Variants in KATNIP observed in about 807,000 individuals in gnomAD.
KATNIP encodes the protein katanin interacting protein.
A neutral mutation model predicts 174.0 loss-of-function variants in KATNIP; 126 were observed. The ratio of observed to expected loss-of-function variants is 0.72; its 90% confidence interval spans 0.63 to 0.84. The LOEUF is 0.84. Ranked by LOEUF, KATNIP falls within the 40% of genes least tolerant of loss-of-function variation. The pLI is 0.00. For synonymous variants in KATNIP, 810 were observed against 835.7 expected, an observed-to-expected ratio of 0.97 and a Z score of 0.53; for missense variants, 1,958 against 2,109.7, an observed-to-expected ratio of 0.93 and a Z score of 1.41.
intron 1 of KATNIP, among the ~76,000 whole-genome samples, chr16:27,557,832 T>C (rs1485411646): frequency 6.6e-6 from 1 of 152,248 alleles, no homozygotes; most frequent in Non-Finnish European, 1.5e-5. Context: ...TTGAATTAGT[T>C]GTCAACATTG....
At position 27,651,709 on chromosome 16, in the gene KATNIP, C is replaced by T. The variant is rs994073706; in HGVS notation, c.540+2974C>T. Among the ~76,000 whole-genome samples the T allele has an allele frequency of 9.2e-5, 14 of 152,232 alleles. No homozygotes were observed. In the East Asian group the frequency reaches 2.5e-3, roughly 27 times the overall value. On this transcript the variant is annotated intron_variant, in intron 6 of 27. Transcript: ENST00000261588. ...GCTTTTAAAAGATGTGAATTACTAG[C>T]TGACATTTTTATTTATTTATTTATT...
At position 27,780,225 on chromosome 16, in the gene KATNIP, C is replaced by G. The variant is rs1393271842; in HGVS notation, c.*1596C>G. On this transcript the variant is annotated 3_prime_UTR_variant, in exon 28 of 28. Transcript: ENST00000261588. ...ATGGCACTAACACGACACAAGCTCACTCCCAGAACCGCAGCTGATGTTTAT... is the reference window on the plus strand; with the variant it reads ...ATGGCACTAACACGACACAAGCTCAGTCCCAGAACCGCAGCTGATGTTTAT... 1 of 152,168 alleles carries G rather than the reference C, an allele frequency of 6.6e-6. No homozygotes were observed. Among genetic ancestry groups the G allele is most frequent in the Non-Finnish European group, 1.5e-5 (1 of 68,048 alleles). The allele number at this position is 152,168 out of a possible 1,614,324, so 9.4% of individuals were successfully genotyped here.
intron 13 of KATNIP, among the ~76,000 whole-genome samples, chr16:27,715,998 A>C (rs996622165): frequency 3.3e-5 from 5 of 152,084 alleles, no homozygotes; most frequent in Admixed American, 3.3e-4. Context: ...AAACTTGTAC[A>C]TGCATGTTCA....
At position 27,551,801 on chromosome 16, in the gene KATNIP, C is replaced by T. The variant is rs372240882; in HGVS notation, c.7+1624C>T. ...CTGAGGCAGGAGAATCATTTGAAGC[C>T]GAGATCTTGCCACTGCACTCCAGCC... On this transcript the variant is annotated intron_variant, in intron 1 of 27. Coordinates refer to ENST00000261588, the MANE Select transcript of KATNIP (RefSeq NM_015202.5). Among the ~76,000 whole-genome samples, 13 of 152,012 alleles carry T rather than the reference C, an allele frequency of 8.6e-5. No individual in the cohort carries two copies. The East Asian group carries it at 1.9e-3, about 23-fold the overall frequency.
At chr16:27,757,052 G>C (rs1009352369) in intron 18 of KATNIP, among the ~76,000 whole-genome samples, 1 of 152,200 alleles carries the variant, frequency 6.6e-6, no homozygotes, top group African/African-American at 2.4e-5. Context: ...CTTGAGTCAT[G>C]TACCCATTCT....
intron 1 of KATNIP, among the ~76,000 whole-genome samples, chr16:27,563,233 G>T (rs769424591): frequency 1.5e-4 from 23 of 152,164 alleles, no homozygotes; most frequent in Non-Finnish European, 2.2e-4. Flanking sequence ...GGAGAGGTGG[G>T]TGGTTTTAAG....
intron 19 of KATNIP, among the ~76,000 whole-genome samples, chr16:27,761,991 C>A (rs1347223778): frequency 6.6e-6 from 1 of 152,226 alleles, no homozygotes; most frequent in Non-Finnish European, 1.5e-5. Context: ...CCTCTCCCCT[C>A]CTTGAGGTTA....
Position 27,776,858 on chromosome 16 carries a change from G to C in KATNIP, c.4450-70G>C, listed in dbSNP as rs2082517203. ...CACCGCTCACCCCAGCCCACGCCTGGCACCCCCAGCCCAGCCAAGCGCCTC... is the reference window on the plus strand; with the variant it reads ...CACCGCTCACCCCAGCCCACGCCTGCCACCCCCAGCCCAGCCAAGCGCCTC... On this transcript the variant is annotated intron_variant, in intron 24 of 27. Coordinates refer to ENST00000261588, the MANE Select transcript of KATNIP (RefSeq NM_015202.5). This position sits in a 1 kb window ranked among gnomAD's most constrained non-coding sequence, Gnocchi z 4.7. The C allele has an allele frequency of 3.5e-6, 4 of 1,155,226 alleles. No individual in the cohort carries two copies. The highest frequency in any genetic ancestry group is 5.2e-6 in the Non-Finnish European group (4 of 767,750). 71.6% of individuals were successfully genotyped at this position (1,155,226 alleles called of 1,614,324 possible). A position where few individuals can be genotyped will look rare whatever the true frequency, so the allele number is the denominator to read the frequency against.
intron 12 of KATNIP, among the ~76,000 whole-genome samples, chr16:27,705,778 C>T (rs1355734150): frequency 2.0e-5 from 3 of 152,090 alleles, no homozygotes; most frequent in Non-Finnish European, 2.9e-5. Flanking sequence ...CTTGCTCACT[C>T]GATCCTCCCA....
intron 18 of KATNIP, 118 bp from the exon 19 acceptor site, chr16:27,761,295 G>A (rs2081946446): frequency 9.4e-7 from 1 of 1,065,156 alleles, no homozygotes. Context: ...AGGCACTTTG[G>A]GTCTGGGTTG....
chr16:27,694,737 A>C (rs570982394), intron 8 of KATNIP, among the ~76,000 whole-genome samples: 53 of 152,256 alleles, frequency 3.5e-4, no homozygotes, highest in Admixed American at 1.2e-3. Context: ...TAGAGGTTGC[A>C]GTGAGCCGAG....
Position 27,777,804 on chromosome 16 carries a change from C to A in KATNIP, c.4712+34C>A. ...CCAGCCGGCCCCATGGCCTCCCCAC[C>A]AGCCCTAAGGAGGATGGATGGCTGG... On this transcript the variant is annotated intron_variant, in intron 26 of 27. Coordinates refer to ENST00000261588, the MANE Select transcript of KATNIP (RefSeq NM_015202.5). This position sits in a 1 kb window ranked among gnomAD's most constrained non-coding sequence, Gnocchi z 4.4. 6.2e-7 allele frequency: 1 copy of A among 1,612,756 alleles called. No homozygotes were observed. The highest frequency in any genetic ancestry group is 8.5e-7 in the Non-Finnish European group (1 of 1,178,984).
At chr16:27,678,663 G>A (rs1401075811) in intron 7 of KATNIP, among the ~76,000 whole-genome samples, 1 of 152,172 alleles carries the variant, frequency 6.6e-6, no homozygotes, top group Non-Finnish European at 1.5e-5. Context: ...GGGGTCACAT[G>A]CTGTCTTGGA....
intron 8 of KATNIP, among the ~76,000 whole-genome samples, chr16:27,692,545 A>G (rs1438545241): frequency 6.6e-6 from 1 of 151,470 alleles, no homozygotes; most frequent in Non-Finnish European, 1.5e-5. Context: ...CCCCCATTCC[A>G]GCCCCCTTGC....
rs371102473 is a variant in KATNIP at position 27,681,513 on chromosome 16, A to C, written c.923A>C (p.Gln308Pro). The change falls in exon 8 of 28, where the codon CAG (glutamine) becomes CCG (proline). Residue 308 changes from glutamine (Q) to proline (P), a missense_variant. Coordinates refer to ENST00000261588, the MANE Select transcript of KATNIP (RefSeq NM_015202.5). ...CAAGCTCCTGCTGTATTCCCAGACCAGGAGAGGATGTGCTCCAGTAAGAGT... is the reference window on the plus strand; with the variant it reads ...CAAGCTCCTGCTGTATTCCCAGACCCGGAGAGGATGTGCTCCAGTAAGAGT... ...TPQAPAVFPD[Q>P]ERMCSRPGSR... 7 of 1,614,104 alleles carry C rather than the reference A, an allele frequency of 4.3e-6. No individual in the cohort carries two copies. The highest frequency in any genetic ancestry group is 5.9e-6 in the Non-Finnish European group (7 of 1,180,050).
rs900860746 is a variant in KATNIP, at chr16:27,776,679, C to A, written c.4450-249C>A. ...TCCTCCACTGGCATTTAAATGAGGGCTCCGACAGGCCCAAGAACACAGGCC... is the reference window on the plus strand; with the variant it reads ...TCCTCCACTGGCATTTAAATGAGGGATCCGACAGGCCCAAGAACACAGGCC... On this transcript the variant is annotated intron_variant, in intron 24 of 27. Coordinates refer to ENST00000261588, the MANE Select transcript of KATNIP (RefSeq NM_015202.5). This position sits in a 1 kb window ranked among gnomAD's most constrained non-coding sequence, Gnocchi z 4.7. Among the ~76,000 whole-genome samples the A allele has an allele frequency of 3.3e-5, 5 of 152,312 alleles. No individual in the cohort carries two copies. In the South Asian group the frequency reaches 1.0e-3, roughly 32 times the overall value.
chr16:27,739,991 C>T, intron 14 of KATNIP, 50 bp from the exon 15 acceptor site: 1 of 1,537,874 alleles, frequency 6.5e-7, no homozygotes, highest in Non-Finnish European at 8.8e-7. Flanking sequence ...AAATTTCATA[C>T]ATCAGTCTGA....
At position 27,740,895 on chromosome 16, in the gene KATNIP, TGG is replaced by T; in HGVS notation, c.2601_2602del (p.Asp868ArgfsTer23). 6.2e-7 allele frequency: 1 copy of T among 1,601,608 alleles called. No individual in the cohort carries two copies. Among genetic ancestry groups the T allele is most frequent in the Non-Finnish European group, 8.5e-7 (1 of 1,174,638 alleles). On this transcript the variant is annotated frameshift_variant, in exon 15 of 28. Coordinates refer to ENST00000261588, the MANE Select transcript of KATNIP (RefSeq NM_015202.5). LOFTEE classifies it high-confidence loss of function. Reference protein sequence around the residue: ...SRKDAGSSSHGDDQPASREDT... With the variant: ...SRKDAGSSSHXDDQPASREDT... ...GGAAGGATGCTGGCAGCAGTAGTCA[TGG>T]GGACGACCAGCCAGCCAGCAGAGGT...
At chr16:27,609,551 C>A (rs534604769) in intron 2 of KATNIP, among the ~76,000 whole-genome samples, 1 of 151,610 alleles carries the variant, frequency 6.6e-6, no homozygotes, top group Non-Finnish European at 1.5e-5. Context: ...CCACCATGCC[C>A]GGCTAATTTT....
Sources: allele counts gnomAD v4.1 joint callset (sites outside exome capture counted in the v4.1 genomes callset), GRCh38; gene constraint gnomAD v4.1.1; non-coding constraint Gnocchi (gnomAD v3.1); transcripts MANE v1.5; gene names NCBI Gene and HGNC (gene_info 2026-07-23, HGNC 2026-07-21).